Variants in PLEKHA2 observed in about 807,000 individuals in gnomAD.
PLEKHA2 encodes the protein pleckstrin homology domain-containing family A member 2.
PLEKHA2 carries 28 observed loss-of-function variants against 53.2 expected under a neutral mutation model. That is an observed-to-expected ratio of 0.53 (90% confidence interval 0.39 to 0.72). PLEKHA2 has a LOEUF of 0.72. Among genes scored for constraint, PLEKHA2 ranks in the 30% least tolerant of loss-of-function variants. PLEKHA2 has a pLI of 0.00. For missense variants in PLEKHA2, 426 were observed against 537.9 expected, an observed-to-expected ratio of 0.79 and a Z score of 2.06; for synonymous variants, 193 against 196.4, an observed-to-expected ratio of 0.98 and a Z score of 0.14.
rs1835024170 is a variant in PLEKHA2 at position 38,960,586 on chromosome 8, T to G, written c.837+3200T>G. Reference sequence around the variant, plus strand: ...AAAAATAGCAAGAATAGTATTGTTTTTACAGTTTTGCACATCTATCTTTAA... The same window carrying G: ...AAAAATAGCAAGAATAGTATTGTTTGTACAGTTTTGCACATCTATCTTTAA... On this transcript the variant is annotated intron_variant, in intron 10 of 11. Transcript: ENST00000617275. Among the ~76,000 whole-genome samples the G allele has an allele frequency of 2.0e-5, 3 of 152,258 alleles. No individual in the cohort carries two copies. In the South Asian group the frequency reaches 6.2e-4, roughly 31 times the overall value.
At chr8:38,927,707 C>T (rs956209099) in intron 2 of PLEKHA2, among the ~76,000 whole-genome samples, 8 of 152,240 alleles carry the variant, frequency 5.3e-5, no homozygotes, top group East Asian at 1.9e-4. Flanking sequence ...TGTCCTCATC[C>T]ACAGTATATG....
chr8:38,931,803 A>G (rs759882274), intron 2 of PLEKHA2, among the ~76,000 whole-genome samples: 1 of 152,166 alleles, frequency 6.6e-6, no homozygotes, highest in Non-Finnish European at 1.5e-5. Context: ...TCAGAAAAAC[A>G]TACTCCGAGA....
At chr8:38,940,650 CGGG>C (rs5891049) in intron 3 of PLEKHA2, among the ~76,000 whole-genome samples, 3 of 56,942 alleles carry the variant, frequency 5.3e-5, no homozygotes, top group South Asian at 7.5e-4. Flanking sequence ...ATTGAAGGGG[CGGG>C]GGGGGGGGGT....
intron 2 of PLEKHA2, among the ~76,000 whole-genome samples, chr8:38,933,956 T>C (rs555767113): frequency 6.6e-6 from 1 of 152,042 alleles, no homozygotes; most frequent in African/African-American, 2.4e-5. Flanking sequence ...GAGTCTTTTC[T>C]AGGTCCCCCA....
chr8:38,941,147 C>T (rs1434516541), intron 3 of PLEKHA2, among the ~76,000 whole-genome samples: 1 of 151,948 alleles, frequency 6.6e-6, no homozygotes, highest in East Asian at 1.9e-4. Context: ...ACCTCCATCT[C>T]CCGGGTTCAA....
rs151230246 is a variant in PLEKHA2, at chr8:38,922,148, C to T, written c.141+4078C>T. Among the ~76,000 whole-genome samples the T allele has an allele frequency of 2.6e-5, 4 of 152,130 alleles. No individual in the cohort carries two copies. Among genetic ancestry groups the T allele is most frequent in the Non-Finnish European group, 4.4e-5 (3 of 68,024 alleles). ...ACCCCGGCAGTCTAACTCTAGTGCC[C>T]CTGCCATTATTGCTGATAATGAGAC... On this transcript the variant is annotated intron_variant, in intron 2 of 11. Coordinates refer to ENST00000617275, the MANE Select transcript of PLEKHA2 (RefSeq NM_021623.2). This position sits in a 1 kb window ranked among gnomAD's most constrained non-coding sequence, Gnocchi z 4.0.
rs1164747724 is a variant in PLEKHA2, at chr8:38,922,230, GA to G, written c.141+4163del. 6.6e-6 allele frequency among the ~76,000 whole-genome samples: 1 copy of G among 152,222 alleles called. No individual in the cohort carries two copies. Among genetic ancestry groups the G allele is most frequent in the Non-Finnish European group, 1.5e-5 (1 of 68,040 alleles). On this transcript the variant is annotated intron_variant, in intron 2 of 11. Transcript: ENST00000617275. The surrounding 1 kb of genome is among the most constrained non-coding windows in gnomAD (Gnocchi z 4.0). ...GCCTGCAAAGGTAGTTTCTGGTTAAGAAAGAGAAACCTGAGGACTCTCGGGG... is the reference window on the plus strand; with the variant it reads ...GCCTGCAAAGGTAGTTTCTGGTTAAGAAGAGAAACCTGAGGACTCTCGGGG...
chr8:38,929,906 G>T (rs1834358977), intron 2 of PLEKHA2, among the ~76,000 whole-genome samples: 1 of 152,174 alleles, frequency 6.6e-6, no homozygotes. Context: ...GGTCATTTCT[G>T]TGTTCTTTGT....
At chr8:38,937,346 G>A (rs968328300) in intron 3 of PLEKHA2, among the ~76,000 whole-genome samples, 4 of 152,172 alleles carry the variant, frequency 2.6e-5, no homozygotes, top group African/African-American at 9.7e-5. Context: ...AGGCCTGCCC[G>A]CCCTCCCTGG....
At chr8:38,921,556 T>C (rs1834194329) in intron 2 of PLEKHA2, among the ~76,000 whole-genome samples, 1 of 152,228 alleles carries the variant, frequency 6.6e-6, no homozygotes, top group Admixed American at 6.5e-5. Context: ...GCCCAGAACC[T>C]GTGCTAAGCC....
At chr8:38,965,340 G>T (rs540685852) in intron 10 of PLEKHA2, among the ~76,000 whole-genome samples, 1 of 152,282 alleles carries the variant, frequency 6.6e-6, no homozygotes, top group East Asian at 1.9e-4. Flanking sequence ...GCCTGTGGGG[G>T]TAGCATTTGA....
At chr8:38,952,587 A>G (rs748331352) in intron 7 of PLEKHA2, 49 bp from the exon 8 acceptor site, 9 of 1,565,072 alleles carry the variant, frequency 5.8e-6, no homozygotes, top group African/African-American at 1.3e-5. Context: ...ACCCTCCACA[A>G]TGCTGGGCAC....
At position 38,953,381 on chromosome 8, in the gene PLEKHA2, CT is replaced by C; in HGVS notation, c.773+19del. 6.3e-7 allele frequency: 1 copy of C among 1,592,560 alleles called. No individual in the cohort carries two copies. Among genetic ancestry groups the C allele is most frequent in the Non-Finnish European group, 8.6e-7 (1 of 1,160,490 alleles). Reference sequence around the variant, plus strand: ...GGTCAAGTCTGGGTAATTGTGTCTGCTTTTTCTCTTCTAATCCAAACCTCCA... The same window carrying C: ...GGTCAAGTCTGGGTAATTGTGTCTGCTTTTCTCTTCTAATCCAAACCTCCA... On this transcript the variant is annotated intron_variant, in intron 9 of 11. Coordinates refer to ENST00000617275, the MANE Select transcript of PLEKHA2 (RefSeq NM_021623.2).
intron 5 of PLEKHA2, among the ~76,000 whole-genome samples, chr8:38,947,954 G>A (rs1361215124): frequency 2.0e-5 from 3 of 150,658 alleles, no homozygotes; most frequent in Non-Finnish European, 4.4e-5. Context: ...GGGCATGTTG[G>A]CATGCACCGT....
chr8:38,919,229 T>C (rs1279448821), intron 2 of PLEKHA2, among the ~76,000 whole-genome samples: 1 of 152,138 alleles, frequency 6.6e-6, no homozygotes, highest in Admixed American at 6.5e-5. Context: ...CAGAATTAGG[T>C]GACTTGCTGA....
At chr8:38,957,538 A>C (rs1282781690) in intron 10 of PLEKHA2, among the ~76,000 whole-genome samples, 152 bp downstream of exon 10, 2 of 152,102 alleles carry the variant, frequency 1.3e-5, no homozygotes, top group South Asian at 4.1e-4. Flanking sequence ...GTCCCATTTC[A>C]TCCTAAACAG....
intron 3 of PLEKHA2, among the ~76,000 whole-genome samples, chr8:38,941,055 CTTT>C (rs33938196): frequency 4.3e-4 from 60 of 139,952 alleles, no homozygotes; most frequent in Admixed American, 5.0e-4. Context: ...TCTAAGGTAT[CTTT>C]TTTTTTTTTT....
At chr8:38,939,896 A>G (rs1257258897) in intron 3 of PLEKHA2, among the ~76,000 whole-genome samples, 1 of 151,358 alleles carries the variant, frequency 6.6e-6, no homozygotes, top group African/African-American at 2.4e-5. Context: ...GACCAGTTTC[A>G]GTAACATAGC....
intron 2 of PLEKHA2, among the ~76,000 whole-genome samples, chr8:38,935,308 C>T (rs1410204681): frequency 6.6e-6 from 1 of 152,112 alleles, no homozygotes; most frequent in African/African-American, 2.4e-5. Context: ...TGTGCCTGGC[C>T]TTCTTAAATG....
Sources: allele counts gnomAD v4.1 joint callset (sites outside exome capture counted in the v4.1 genomes callset), GRCh38; gene constraint gnomAD v4.1.1; non-coding constraint Gnocchi (gnomAD v3.1); transcripts MANE v1.5; gene names NCBI Gene and HGNC (gene_info 2026-07-23, HGNC 2026-07-21).